Variants in TMOD1 observed in about 807,000 individuals in gnomAD.
TMOD1 encodes the protein tropomodulin-1.
A neutral mutation model predicts 40.6 loss-of-function variants in TMOD1; 17 were observed. That is an observed-to-expected ratio of 0.42 (90% confidence interval 0.29 to 0.63). The LOEUF (loss-of-function observed/expected upper bound fraction) is 0.63, where lower values mean the gene tolerates loss of function less well. Among genes scored for constraint, TMOD1 ranks in the 20% least tolerant of loss-of-function variants. TMOD1 has a pLI of 0.22. For missense variants in TMOD1, 391 were observed against 447.6 expected (o/e 0.87, Z 1.14); for synonymous variants, 181 against 175.0 (o/e 1.03, Z -0.27).
At chr9:97,544,865 C>T (rs1032236338) in intron 2 of TMOD1, among the ~76,000 whole-genome samples, 1 of 151,812 alleles carries the variant, frequency 6.6e-6, no homozygotes, top group Non-Finnish European at 1.5e-5. Flanking sequence ...AAAAATTAGC[C>T]GGGCGTGGTG....
At chr9:97,503,262 C>T (rs529079455) in intron 1 of TMOD1, among the ~76,000 whole-genome samples, 25 of 152,312 alleles carry the variant, frequency 1.6e-4, no homozygotes, top group African/African-American at 5.5e-4. Context: ...ACTGCTCAGG[C>T]AGGTCCGGGA....
intron 7 of TMOD1, 84 bp from the exon 8 acceptor site, chr9:97,568,810 A>G (rs1830773375): frequency 6.7e-7 from 1 of 1,497,484 alleles, no homozygotes. Context: ...CTGTTCCCCT[A>G]GGTGTCTTAG....
chr9:97,531,033 A>ACCCCCC (rs202030181), intron 2 of TMOD1, among the ~76,000 whole-genome samples: 36 of 78,252 alleles, frequency 4.6e-4, no homozygotes, highest in East Asian at 6.9e-4. Context: ...GGTGATCCAC[A>ACCCCCC]CCCACCCCCC....
intron 8 of TMOD1, among the ~76,000 whole-genome samples, chr9:97,579,281 C>A (rs974893997): frequency 6.6e-6 from 1 of 152,108 alleles, no homozygotes; most frequent in Non-Finnish European, 1.5e-5. Context: ...GTTCCTGTTT[C>A]CTCCATTCAA....
At chr9:97,558,634 G>T (rs7047577) in intron 4 of TMOD1, among the ~76,000 whole-genome samples, 79,665 of 151,852 alleles carry the variant, frequency 0.52, 20,912 homozygotes, top group Middle Eastern at 0.61. Context: ...AGTAGAGACG[G>T]GGTTTCACCA....
At chr9:97,570,280 T>C (rs981316731) in intron 8 of TMOD1, among the ~76,000 whole-genome samples, 6 of 152,214 alleles carry the variant, frequency 3.9e-5, no homozygotes, top group Non-Finnish European at 8.8e-5. Context: ...CATGCCTCCA[T>C]GCCTTTCCCT....
At chr9:97,555,730 C>A in intron 4 of TMOD1, 1 of 1,505,376 alleles carries the variant, frequency 6.6e-7, no homozygotes, top group Non-Finnish European at 9.0e-7. Context: ...CTCTCAAGAC[C>A]TTATTGCATT....
chr9:97,573,152 C>T (rs139148817), intron 8 of TMOD1, among the ~76,000 whole-genome samples: 2 of 152,328 alleles, frequency 1.3e-5, no homozygotes, highest in Non-Finnish European at 2.9e-5. Flanking sequence ...CCTGCAGGCC[C>T]GGCCCAGGCC....
At chr9:97,559,794 A>AAAAAAATATATATATAT (rs1390791825) in intron 4 of TMOD1, among the ~76,000 whole-genome samples, 1 of 23,180 alleles carries the variant, frequency 4.3e-5, no homozygotes, top group Non-Finnish European at 7.7e-5. Context: ...AAAAAAAAAA[A>AAAAAAATATATATATAT]ATATATATAT....
Position 97,541,597 on chromosome 9 carries a change from C to A in TMOD1, c.121-4588C>A, listed in dbSNP as rs139369587. ...GCGGCGTGATCTCAGCTCACTGCAACCTCTGCCTCCTGAGTTCAAACAAAT... is the reference window on the plus strand; with the variant it reads ...GCGGCGTGATCTCAGCTCACTGCAAACTCTGCCTCCTGAGTTCAAACAAAT... On this transcript the variant is annotated intron_variant, in intron 2 of 9. Coordinates refer to ENST00000259365, the MANE Select transcript of TMOD1 (RefSeq NM_003275.4). Among the ~76,000 whole-genome samples, 579 of 151,322 alleles carry A rather than the reference C, an allele frequency of 3.8e-3. 2 individuals are homozygous for A. The highest frequency in any genetic ancestry group is 0.013 in the African/African-American group (539 of 41,166).
chr9:97,524,442 A>C, intron 2 of TMOD1, 134 bp downstream of exon 2: 2 of 1,111,812 alleles, frequency 1.8e-6, no homozygotes, highest in Non-Finnish European at 2.5e-6. Context: ...GCCTTTGCAG[A>C]TTTTTCTTTT....
intron 1 of TMOD1, among the ~76,000 whole-genome samples, chr9:97,520,476 T>A (rs1829897357): frequency 6.6e-6 from 1 of 152,180 alleles, no homozygotes; most frequent in Non-Finnish European, 1.5e-5. Context: ...GTTCTCCCAT[T>A]TCCTCCACCA....
At chr9:97,523,216 G>C (rs1183613366) in intron 1 of TMOD1, among the ~76,000 whole-genome samples, 1 of 152,188 alleles carries the variant, frequency 6.6e-6, no homozygotes, top group Admixed American at 6.5e-5. Flanking sequence ...GCAGAGACAG[G>C]GTCCAAACAC....
intron 9 of TMOD1, 22 bp downstream of exon 9, chr9:97,591,457 G>C: frequency 6.2e-7 from 1 of 1,611,016 alleles, no homozygotes; most frequent in Non-Finnish European, 8.5e-7. Context: ...TATGCTTCCT[G>C]CCCTGCCCGC....
At chr9:97,532,258 A>T (rs1830112774) in intron 2 of TMOD1, among the ~76,000 whole-genome samples, 1 of 152,174 alleles carries the variant, frequency 6.6e-6, no homozygotes, top group Admixed American at 6.5e-5. Flanking sequence ...GGTGAGGGCA[A>T]GTCAGGCCAG....
intron 8 of TMOD1, among the ~76,000 whole-genome samples, chr9:97,574,045 G>C (rs1351692469): frequency 6.6e-6 from 1 of 152,186 alleles, no homozygotes; most frequent in Non-Finnish European, 1.5e-5. Flanking sequence ...ACTGAGAGGT[G>C]ACAGCATGCT....
chr9:97,570,682 T>C (rs1830804402), intron 8 of TMOD1, among the ~76,000 whole-genome samples: 1 of 152,208 alleles, frequency 6.6e-6, no homozygotes, highest in South Asian at 2.1e-4. Flanking sequence ...GTGCTATGTC[T>C]GAGGCATCTC....
intron 6 of TMOD1, among the ~76,000 whole-genome samples, chr9:97,564,887 C>T (rs1051964272): frequency 6.6e-6 from 1 of 152,108 alleles, no homozygotes; most frequent in Non-Finnish European, 1.5e-5. Context: ...AGAAGCCAGC[C>T]CCCCATGCCC....
chr9:97,505,231 T>G (rs1587907230), intron 1 of TMOD1, among the ~76,000 whole-genome samples: 1 of 152,206 alleles, frequency 6.6e-6, no homozygotes, highest in African/African-American at 2.4e-5. Context: ...TTTGGTTTTC[T>G]TTCAGAGAAA....
Sources: gnomAD v4.1 joint callset for allele counts (sites outside exome capture counted in the v4.1 genomes callset) on GRCh38, gnomAD v4.1.1 for gene constraint, MANE v1.5 for transcripts, NCBI Gene and HGNC (gene_info 2026-07-23, HGNC 2026-07-21) for gene names.